The following NCKAP5 variants were observed in gnomAD, a reference collection of about 807,000 sequenced individuals.
NCKAP5 encodes nck-associated protein 5.
In NCKAP5, 92 loss-of-function variants were observed where a neutral mutation model predicts 167.0. The observed-to-expected ratio is 0.55, with a 90% confidence interval of 0.47 to 0.66. The LOEUF (loss-of-function observed/expected upper bound fraction) is 0.66. Among genes scored for constraint, NCKAP5 ranks in the 30% least tolerant of loss-of-function variants. The probability of loss-of-function intolerance (pLI) is 0.00; values close to 1 mark genes in which losing one functional copy is unlikely to be tolerated. For missense variants in NCKAP5, 2,378 were observed against 2,315.0 expected (o/e 1.03, Z -0.56); for synonymous variants, 891 against 877.4 (o/e 1.02, Z -0.27).
At chr2:132,889,130 C>T (rs1253980379) in intron 8 of NCKAP5, among the ~76,000 whole-genome samples, 2 of 152,248 alleles carry the variant, frequency 1.3e-5, no homozygotes, top group South Asian at 2.1e-4. Flanking sequence ...AGAGATAGGC[C>T]AGGGGACACT....
intron 4 of NCKAP5, among the ~76,000 whole-genome samples, chr2:133,223,822 T>C (rs1436201264): frequency 6.6e-6 from 1 of 152,160 alleles, no homozygotes; most frequent in African/African-American, 2.4e-5. Context: ...TCAACAGGAC[T>C]GGCATGTAAA....
the NCKAP5 span, among the ~76,000 whole-genome samples, chr2:133,668,986 G>T: frequency 6.6e-6 from 1 of 152,094 alleles, no homozygotes; most frequent in African/African-American, 2.4e-5. Flanking sequence ...CAGGGAGCTA[G>T]CAGAAAGGTC....
chr2:133,313,983 C>T (rs1681430282), intron 3 of NCKAP5, among the ~76,000 whole-genome samples: 1 of 152,204 alleles, frequency 6.6e-6, no homozygotes. Flanking sequence ...TGCATCAGTA[C>T]ACTGTACTTT....
At chr2:133,300,086 T>G (rs1680270429) in intron 4 of NCKAP5, among the ~76,000 whole-genome samples, 1 of 134,938 alleles carries the variant, frequency 7.4e-6, no homozygotes, top group Non-Finnish European at 1.6e-5. Flanking sequence ...AGGAAGAAGT[T>G]GAATCTCTGA....
At chr2:133,475,949 A>G (rs1679844820) in intron 3 of NCKAP5, among the ~76,000 whole-genome samples, 1 of 152,210 alleles carries the variant, frequency 6.6e-6, no homozygotes, top group Admixed American at 6.5e-5. Flanking sequence ...TAATCCAAAG[A>G]AACCCAACAA....
intron 19 of NCKAP5, among the ~76,000 whole-genome samples, chr2:132,707,256 C>T (rs1688449585): frequency 6.6e-6 from 1 of 152,252 alleles, no homozygotes; most frequent in Non-Finnish European, 1.5e-5. Context: ...CAGTGCTGCA[C>T]TGTCACAGCG....
chr2:132,957,139 T>A (rs999142188), intron 8 of NCKAP5, among the ~76,000 whole-genome samples: 1 of 152,186 alleles, frequency 6.6e-6, no homozygotes, highest in Admixed American at 6.5e-5. Context: ...CTTGAATGCT[T>A]AATAGGCATC....
At chr2:132,703,026 T>A (rs1439048507) in intron 19 of NCKAP5, among the ~76,000 whole-genome samples, 2 of 151,910 alleles carry the variant, frequency 1.3e-5, no homozygotes, top group African/African-American at 4.8e-5. Context: ...AAAAAAATTT[T>A]AAAAATTAGC....
At chr2:133,117,168 C>A (rs1319341863) in intron 6 of NCKAP5, 1 of 152,086 alleles carries the variant, frequency 6.6e-6, no homozygotes, top group Non-Finnish European at 1.5e-5. Flanking sequence ...TATTATAGTT[C>A]GTCTAAAAGG....
chr2:133,309,036 A>G (rs1005400628), intron 3 of NCKAP5, among the ~76,000 whole-genome samples: 1 of 152,150 alleles, frequency 6.6e-6, no homozygotes, highest in African/African-American at 2.4e-5. Flanking sequence ...TAAACTTTGT[A>G]AAGAATATAT....
chr2:133,321,567 T>G lies in NCKAP5; in HGVS notation c.70-18457A>C, dbSNP rs575088667. Among the ~76,000 whole-genome samples the G allele has an allele frequency of 4.6e-5, 7 of 152,306 alleles. No individual in the cohort carries two copies. The South Asian group carries it at 1.5e-3, about 32-fold the overall frequency. On this transcript the variant is annotated intron_variant, in intron 3 of 19. Coordinates refer to ENST00000409261, the MANE Select transcript of NCKAP5 (RefSeq NM_207363.3). ...CAAAAAGGAACCCAAAGCCATACAT[T>G]TGAAGACTACATCTATCCCTTAGAC...
intron 3 of NCKAP5, among the ~76,000 whole-genome samples, chr2:133,506,433 G>T (rs1261151186): frequency 6.6e-6 from 1 of 152,138 alleles, no homozygotes; most frequent in Non-Finnish European, 1.5e-5. Context: ...TCCCTGCCCT[G>T]GTCTGGGCCC....
At chr2:133,261,471 T>C (rs548472477) in intron 4 of NCKAP5, among the ~76,000 whole-genome samples, 1 of 152,176 alleles carries the variant, frequency 6.6e-6, no homozygotes, top group South Asian at 2.1e-4. Flanking sequence ...AAAGATATAG[T>C]ATGTTTCTGA....
intron 8 of NCKAP5, among the ~76,000 whole-genome samples, chr2:132,892,338 G>C (rs969235587): frequency 7.9e-5 from 12 of 152,034 alleles, no homozygotes; most frequent in African/African-American, 2.9e-4. Flanking sequence ...GATACAACAC[G>C]TATTTTCCAA....
At chr2:132,816,797 G>A (rs1191398575) in intron 11 of NCKAP5, among the ~76,000 whole-genome samples, 1 of 152,080 alleles carries the variant, frequency 6.6e-6, no homozygotes, top group Non-Finnish European at 1.5e-5. Context: ...AATCAATGAA[G>A]GTATATAAAA....
chr2:133,586,127 AAGTTCATTC>A, the NCKAP5 span, among the ~76,000 whole-genome samples: 1 of 152,164 alleles, frequency 6.6e-6, no homozygotes, highest in Non-Finnish European at 1.5e-5. Flanking sequence ...TCAATAGTAA[AAGTTCATTC>A]AGTTACAATG....
intron 3 of NCKAP5, among the ~76,000 whole-genome samples, chr2:133,464,970 T>C (rs183066241): frequency 5.3e-5 from 8 of 152,106 alleles, no homozygotes; most frequent in Non-Finnish European, 8.8e-5. Flanking sequence ...ATTTAAGATA[T>C]GTAAATACAC....
intron 4 of NCKAP5, among the ~76,000 whole-genome samples, chr2:133,298,613 A>C (rs1680129890): frequency 6.6e-6 from 1 of 152,200 alleles, no homozygotes; most frequent in South Asian, 2.1e-4. Flanking sequence ...ATTCATCTAT[A>C]ATAATGCGTG....
chr2:133,191,777 G>C (rs576265277), intron 5 of NCKAP5, among the ~76,000 whole-genome samples: 1 of 152,054 alleles, frequency 6.6e-6, no homozygotes, highest in Non-Finnish European at 1.5e-5. Context: ...ATGGGGTTGG[G>C]GGGAGCAGGG....
Sources: allele counts gnomAD v4.1 joint callset (sites outside exome capture counted in the v4.1 genomes callset), GRCh38; gene constraint gnomAD v4.1.1; transcripts MANE v1.5; gene names NCBI Gene and HGNC (gene_info 2026-07-23, HGNC 2026-07-21).